The following NOTCH3 variants were observed in gnomAD, a reference collection of about 807,000 sequenced individuals.
The protein encoded by NOTCH3 is notch receptor 3, also known as neurogenic locus notch homolog protein 3.
NOTCH3 carries 86 observed loss-of-function variants against 213.3 expected under a neutral mutation model. That is an observed-to-expected ratio of 0.40 (90% CI 0.34 to 0.48). The LOEUF is 0.48. Among genes scored for constraint, NOTCH3 ranks in the 20% least tolerant of loss-of-function variants. The pLI, the probability that NOTCH3 is intolerant of heterozygous loss-of-function variation, is 0.57. For synonymous variants in NOTCH3, 1,354 were observed against 1,355.9 expected, an observed-to-expected ratio of 1.00 and a Z score of 0.03; for missense variants, 2,783 against 3,272.6, an observed-to-expected ratio of 0.85 and a Z score of 3.65.
intron 24 of NOTCH3, among the ~76,000 whole-genome samples, chr19:15,176,863 G>T (rs1024310819): frequency 6.6e-6 from 1 of 150,934 alleles, no homozygotes; most frequent in African/African-American, 2.4e-5. Context: ...ACAAGGTCAG[G>T]AGTTCGTGAG....
chr19:15,185,208 G>A lies in NOTCH3; in HGVS notation c.2296+49C>T, dbSNP rs1038129600. ...AGAGAGTAGAGGAGAAGAGAGATGA[G>A]AAGGCCCATGGTGTTGGTGGGGCTG... On this transcript the variant is annotated intron_variant, in intron 14 of 32. Coordinates refer to ENST00000263388, the MANE Select transcript of NOTCH3 (RefSeq NM_000435.3). The surrounding 1 kb of genome is among the most constrained non-coding windows in gnomAD (Gnocchi z 4.2). 5 of 1,602,712 alleles carry A rather than the reference G, an allele frequency of 3.1e-6. No individual in the cohort carries two copies. In the African/African-American group the frequency reaches 5.4e-5, roughly 17 times the overall value.
At chr19:15,190,116 A>C (rs1949192865) in intron 6 of NOTCH3, among the ~76,000 whole-genome samples, 1 of 151,934 alleles carries the variant, frequency 6.6e-6, no homozygotes, top group South Asian at 2.1e-4. Flanking sequence ...TCTACAAAAA[A>C]TACAAAGCTT....
At position 15,185,711 on chromosome 19, in the gene NOTCH3, AC is replaced by A. The variant is rs1568358526; in HGVS notation, c.1952-33del. ...AGTACACAAGCAATCTCATCTCAGA[AC>A]AAAGTCAGCAGGGACAACCAGGGAG... is the stretch of plus-strand genomic sequence containing the variant. On this transcript the variant is annotated intron_variant, in intron 12 of 32. Transcript: ENST00000263388. This position sits in a 1 kb window ranked among gnomAD's most constrained non-coding sequence, Gnocchi z 4.2. The A allele has an allele frequency of 4.3e-6, 7 of 1,610,038 alleles. No homozygotes were observed. Among genetic ancestry groups the A allele is most frequent in the Non-Finnish European group, 4.2e-6 (5 of 1,178,800 alleles).
Position 15,181,582 on chromosome 19 carries a change from C to T in NOTCH3, c.2786G>A (p.Ser929Asn). ...AAGCAGAGGCCCCGCCCACCTGGGG[C>T]TGCAGTCGGGCAGGTCCTGTTCGCA... is the stretch of plus-strand genomic sequence containing the variant. ...FHCEQDLPDC[S>N]PSSCFNGGTC... Residue 929 changes from serine (S) to asparagine (N), a missense_variant, in exon 17 of 33, where the codon AGC (serine) becomes AAC (asparagine). Physicochemically the swap from Ser to Asn is conservative, Grantham distance 46 (BLOSUM62 1). Around this residue, in one of 6 missense-constraint regions of NOTCH3, gnomAD observed 861 missense variants for 909.1 expected, o/e 0.95. Transcript: ENST00000263388. 6.4e-7 allele frequency: 1 copy of T among 1,550,454 alleles called. No individual in the cohort carries two copies. The highest frequency in any genetic ancestry group is 8.7e-7 in the Non-Finnish European group (1 of 1,146,756).
chr19:15,200,067 GC>G (rs2145455868), intron 1 of NOTCH3, among the ~76,000 whole-genome samples: 1 of 151,508 alleles, frequency 6.6e-6, no homozygotes, highest in East Asian at 2.0e-4. Context: ...GGGGCCCCTG[GC>G]CGGCTGGGGA....
intron 20 of NOTCH3, 175 bp from the exon 21 acceptor site, chr19:15,179,671 C>T: frequency 1.4e-6 from 1 of 691,612 alleles, no homozygotes; most frequent in Non-Finnish European, 2.5e-6. Context: ...CACCTGAGAT[C>T]AGGAGTTCGA....
Position 15,162,453 on chromosome 19 carries a change from G to A in NOTCH3, c.5913+12C>T. On this transcript the variant is annotated intron_variant, in intron 32 of 32. Coordinates refer to ENST00000263388, the MANE Select transcript of NOTCH3 (RefSeq NM_000435.3). ...ACTGCTGACACCCAGTGGACCAAGG[G>A]CTGGGGCTCACCTTGCTATCCTGCA... 1 of 1,600,090 alleles carries A rather than the reference G, an allele frequency of 6.2e-7. No homozygotes were observed. The highest frequency in any genetic ancestry group is 1.7e-5 in the Admixed American group (1 of 60,016).
rs375016235 is a variant in NOTCH3, at chr19:15,185,798, G to A, written c.1952-119C>T. 6 of 957,524 alleles carry A rather than the reference G, an allele frequency of 6.3e-6. No homozygotes were observed. The highest frequency in any genetic ancestry group is 3.9e-5 in the Admixed American group (2 of 50,814). The allele number at this position is 957,524 out of a possible 1,614,324, so 59.3% of individuals were successfully genotyped here. ...CGAGCAATGACCTCTTTTTCATAAC[G>A]CATCAGCTCTTGTGCAGATTAGGAC... On this transcript the variant is annotated intron_variant, in intron 12 of 32. Coordinates refer to ENST00000263388, the MANE Select transcript of NOTCH3 (RefSeq NM_000435.3). The surrounding 1 kb of genome is among the most constrained non-coding windows in gnomAD (Gnocchi z 4.2).
chr19:15,197,441 G>GGGGGGCC, intron 2 of NOTCH3, 59 bp downstream of exon 2: 6 of 768,354 alleles, frequency 7.8e-6, no homozygotes, highest in South Asian at 1.4e-5. Flanking sequence ...AAGACAAATC[G>GGGGGGCC]CCCCTCCCCC....
In NOTCH3 at chr19:15,189,001, T is replaced by A. The variant is rs1227171812; in HGVS notation, c.1366A>T (p.Ile456Phe). The A allele has an allele frequency of 6.2e-7, 1 of 1,610,962 alleles. No individual in the cohort carries two copies. The highest frequency in any genetic ancestry group is 8.5e-7 in the Non-Finnish European group (1 of 1,178,990). ...GCCCACCACCCACCTGCCATACAGATACAGGTGAACTGGCCTATGCGGTCG... is the reference window on the plus strand; with the variant it reads ...GCCCACCACCCACCTGCCATACAGAAACAGGTGAACTGGCCTATGCGGTCG... ...CLDRIGQFTC[I>F]CMAGFTGTYC... Residue 456 changes from isoleucine to phenylalanine, a missense_variant, in exon 8 of 33, where the codon ATC becomes TTC. Ile to Phe is a conservative substitution (Grantham distance 21). This residue lies in a region of NOTCH3 where 708 missense variants were observed against 906.6 expected (regional missense o/e 0.78). Coordinates refer to ENST00000263388, the MANE Select transcript of NOTCH3 (RefSeq NM_000435.3).
intron 28 of NOTCH3, among the ~76,000 whole-genome samples, chr19:15,169,400 G>A (rs1351064168): frequency 1.3e-5 from 2 of 151,570 alleles, no homozygotes; most frequent in Non-Finnish European, 2.9e-5. Flanking sequence ...GGTCACCCAT[G>A]CTGTGGGACT....
In NOTCH3 at chr19:15,161,151, G is replaced by T; in HGVS notation, c.6477C>A (p.Ser2159Arg). 2 of 1,539,280 alleles carry T rather than the reference G, an allele frequency of 1.3e-6. No individual in the cohort carries two copies. The highest frequency in any genetic ancestry group is 4.8e-5 in the East Asian group (2 of 41,284). Residue 2159 changes from serine to arginine, a missense_variant, in exon 33 of 33, where the codon AGC becomes AGA. This residue lies in a region of NOTCH3 where 441 missense variants were observed against 432.1 expected (regional missense o/e 1.02). Coordinates refer to ENST00000263388, the MANE Select transcript of NOTCH3 (RefSeq NM_000435.3). ...GRQPPGGCVL[S>R]LGLLNPVAVP... ...CAGCCACAGGGTTCAGCAGGCCCAG[G>T]CTGAGTACACATCCTCCAGGGGGCT...
Position 15,161,636 on chromosome 19 carries a change from G to C in NOTCH3, c.5992C>G (p.Arg1998Gly). ...AKLLLDHFANREITDHLDRLP... is the reference protein window; with the variant it reads ...AKLLLDHFANGEITDHLDRLP... ...CTGTCCAGGTGGTCGGTGATCTCAC[G>C]GTTGGCAAAGTGGTCCAACAGCAGC... The change falls in exon 33 of 33, where the codon CGT becomes GGT. Residue 1998 changes from arginine to glycine, a missense_variant. Coordinates refer to ENST00000263388, the MANE Select transcript of NOTCH3 (RefSeq NM_000435.3). 6.2e-7 allele frequency: 1 copy of C among 1,613,706 alleles called. No individual in the cohort carries two copies. The highest frequency in any genetic ancestry group is 1.3e-5 in the African/African-American group (1 of 75,050).
intron 29 of NOTCH3, 122 bp from the exon 30 acceptor site, chr19:15,166,213 C>G: frequency 1.2e-6 from 1 of 828,736 alleles, no homozygotes; most frequent in African/African-American, 1.7e-5. Flanking sequence ...AGCAGATCCT[C>G]CTGTCTGCAC....
intron 29 of NOTCH3, 56 bp downstream of exon 29, chr19:15,167,193 C>G: frequency 6.3e-7 from 1 of 1,574,884 alleles, no homozygotes; most frequent in Non-Finnish European, 8.7e-7. Context: ...CAGAAATAAC[C>G]TCTCACAGGT....
At chr19:15,186,565 C>T (rs995758738) in intron 12 of NOTCH3, among the ~76,000 whole-genome samples, 5 of 152,062 alleles carry the variant, frequency 3.3e-5, no homozygotes, top group Middle Eastern at 3.4e-3. Flanking sequence ...CCACCACACC[C>T]GACTAATTTT....
intron 31 of NOTCH3, among the ~76,000 whole-genome samples, chr19:15,164,554 T>TAAAAAAAAA (rs1568347033): frequency 8.4e-6 from 1 of 119,434 alleles, no homozygotes. Context: ...AAAAAAAAAT[T>TAAAAAAAAA]AAAAAAAGGG....
chr19:15,197,463 C>T, intron 2 of NOTCH3, 37 bp downstream of exon 2: 1 of 1,439,730 alleles, frequency 6.9e-7, no homozygotes, highest in Non-Finnish European at 9.7e-7. Context: ...CGCCCCCACA[C>T]ACAGGGCCCA....
In NOTCH3 at chr19:15,179,124, T is replaced by C. The variant is rs755684125; in HGVS notation, c.3619A>G (p.Asn1207Asp). The change falls in exon 22 of 33, where the codon AAT becomes GAT. Residue 1207 changes from asparagine to aspartate, a missense_variant. Transcript: ENST00000263388. ...YTGLRCEADI[N>D]ECRSGACHAA... ...TGGCAGGCACCTGAGCGACACTCAT[T>C]GATGTCTGCCTCGCAGCGCAAACCA... 1 of 1,614,170 alleles carries C rather than the reference T, an allele frequency of 6.2e-7. No individual in the cohort carries two copies. Among genetic ancestry groups the C allele is most frequent in the Non-Finnish European group, 8.5e-7 (1 of 1,180,022 alleles).
Sources: gnomAD v4.1 joint callset for allele counts (sites outside exome capture counted in the v4.1 genomes callset) on GRCh38, gnomAD v4.1.1 for gene constraint, gnomAD v4.1.1 regional missense constraint, Gnocchi (gnomAD v3.1) non-coding constraint, MANE v1.5 for transcripts, NCBI Gene and HGNC (gene_info 2026-07-23, HGNC 2026-07-21) for gene names.